The following SPSB1 variants were observed in gnomAD, a reference collection of about 807,000 sequenced individuals.
SPSB1 encodes splA/ryanodine receptor domain and SOCS box containing 1.
Under a neutral mutation model 21.2 loss-of-function variants are expected in SPSB1, and 8 were observed. The ratio of observed to expected loss-of-function variants is 0.38; its 90% CI spans 0.22 to 0.68. The LOEUF is 0.68. Ranked by LOEUF, SPSB1 falls within the 30% of genes least tolerant of loss-of-function variation. The probability of loss-of-function intolerance (pLI) is 0.53; values close to 1 mark genes in which losing one functional copy is unlikely to be tolerated. For missense variants in SPSB1, 242 were observed against 377.8 expected, an observed-to-expected ratio of 0.64 and a Z score of 2.98; for synonymous variants, 169 against 161.7, an observed-to-expected ratio of 1.05 and a Z score of -0.34.
rs1470862046 is a variant in SPSB1, at chr1:9,348,943, G to A, written c.-149-6800G>A. ...CCCTTTCACTCGTGCAAGAATGTGTGTGTGTGTGTGTGTGTGTGTGTATAT... is the reference window on the plus strand; with the variant it reads ...CCCTTTCACTCGTGCAAGAATGTGTATGTGTGTGTGTGTGTGTGTGTATAT... On this transcript the variant is annotated intron_variant, in intron 1 of 2. Transcript: ENST00000328089. The surrounding 1 kb of genome is among the most constrained non-coding windows in gnomAD (Gnocchi z 4.8). 4.1e-4 allele frequency among the ~76,000 whole-genome samples: 12 copies of A among 29,114 alleles called. No individual in the cohort carries two copies. Among genetic ancestry groups the A allele is most frequent in the African/African-American group, 3.7e-3 (12 of 3,270 alleles). The allele number at this position is 29,114 out of a possible 152,430, so 19.1% of individuals were successfully genotyped here.
At position 9,358,066 on chromosome 1, in the gene SPSB1, T is replaced by G. The variant is rs532683752; in HGVS notation, c.694+1481T>G. On this transcript the variant is annotated intron_variant, in intron 2 of 2. Coordinates refer to ENST00000328089, the MANE Select transcript of SPSB1 (RefSeq NM_025106.4). ...AGAGGTCAGGAATACAGATGCTGAC[T>G]CTGTCTTGAAGTCTCCAAGCCTGCA... Among the ~76,000 whole-genome samples, 159 of 152,274 alleles carry G rather than the reference T, an allele frequency of 1.0e-3. 5 individuals carry two copies. In the South Asian group the frequency reaches 0.03, roughly 29 times the overall value.
chr1:9,320,573 CAG>C (rs2100481854), intron 1 of SPSB1, among the ~76,000 whole-genome samples: 1 of 152,366 alleles, frequency 6.6e-6, no homozygotes, highest in South Asian at 2.1e-4. Context: ...CCTTGATACA[CAG>C]AGGAAGCACG....
intron 2 of SPSB1, among the ~76,000 whole-genome samples, chr1:9,360,580 C>T (rs371428445): frequency 1.3e-5 from 2 of 152,188 alleles, no homozygotes; most frequent in Non-Finnish European, 1.5e-5. Context: ...TGCCTCCCCT[C>T]GCCCCTGGGG....
rs768663908 is a variant in SPSB1, at chr1:9,362,785, C to T, written c.695-4663C>T. On this transcript the variant is annotated intron_variant, in intron 2 of 2. Coordinates refer to ENST00000328089, the MANE Select transcript of SPSB1 (RefSeq NM_025106.4). ...TCACAGAAATGTGGAAGCTGGTGCA[C>T]TGTCTCTTCCAGTTCCTCAGGCTTC... Among the ~76,000 whole-genome samples the T allele has an allele frequency of 7.2e-5, 11 of 152,374 alleles. No homozygotes were observed. The South Asian group carries it at 2.3e-3, about 32-fold the overall frequency.
Position 9,346,744 on chromosome 1 carries a change from A to G in SPSB1, c.-149-8999A>G, listed in dbSNP as rs952821611. ...GGCGTTGGTCTATCAGGGGTGGAAC[A>G]GCCACCGGTGTTTCTGATGGGGCCA... On this transcript the variant is annotated intron_variant, in intron 1 of 2. Transcript: ENST00000328089. This position sits in a 1 kb window ranked among gnomAD's most constrained non-coding sequence, Gnocchi z 4.4. 6.6e-6 allele frequency among the ~76,000 whole-genome samples: 1 copy of G among 152,170 alleles called. No homozygotes were observed. Among genetic ancestry groups the G allele is most frequent in the Non-Finnish European group, 1.5e-5 (1 of 68,038 alleles).
intron 2 of SPSB1, among the ~76,000 whole-genome samples, chr1:9,364,173 G>A (rs879615130): frequency 1.6e-4 from 25 of 152,216 alleles, no homozygotes; most frequent in Admixed American, 1.4e-3. Context: ...TCCACTTTCC[G>A]GCGGGGGCTG....
chr1:9,331,739 GCT>G (rs1487161189), intron 1 of SPSB1, among the ~76,000 whole-genome samples: 6 of 152,118 alleles, frequency 3.9e-5, no homozygotes, highest in Non-Finnish European at 8.8e-5. Context: ...GTTGGTACTT[GCT>G]CTCCGCTTCC....
At chr1:9,343,973 A>G (rs55814907) in intron 1 of SPSB1, among the ~76,000 whole-genome samples, 9 of 152,238 alleles carry the variant, frequency 5.9e-5, no homozygotes, top group African/African-American at 2.2e-4. Context: ...TTTTAAAAGT[A>G]GAGATGGGGT....
At position 9,316,610 on chromosome 1, in the gene SPSB1, G is replaced by A. The variant is rs1257154590; in HGVS notation, c.-150+23539G>A. Among the ~76,000 whole-genome samples, 4 of 152,166 alleles carry A rather than the reference G, an allele frequency of 2.6e-5. No individual in the cohort carries two copies. In the South Asian group the frequency reaches 6.2e-4, roughly 24 times the overall value. On this transcript the variant is annotated intron_variant, in intron 1 of 2. Coordinates refer to ENST00000328089, the MANE Select transcript of SPSB1 (RefSeq NM_025106.4). ...GGCTGCCATTTACGAAAGGCTGGGA[G>A]CGTTTTGCTACCTTAGAGCCCACCC... is the stretch of plus-strand genomic sequence containing the variant.
intron 1 of SPSB1, among the ~76,000 whole-genome samples, chr1:9,323,729 C>T (rs927911171): frequency 2.6e-5 from 4 of 152,144 alleles, no homozygotes; most frequent in African/African-American, 4.8e-5. Context: ...CTTTGGAGGT[C>T]CTCAAGGTGG....
rs928510153 is a variant in SPSB1 at position 9,305,790 on chromosome 1, G to A, written c.-150+12719G>A. ...TGTATGCAGCCAGTCTGCTGGGGCCGAGGATACAAAGAATGAGGAAGCTTT... is the reference window on the plus strand; with the variant it reads ...TGTATGCAGCCAGTCTGCTGGGGCCAAGGATACAAAGAATGAGGAAGCTTT... On this transcript the variant is annotated intron_variant, in intron 1 of 2. Transcript: ENST00000328089. This position sits in a 1 kb window ranked among gnomAD's most constrained non-coding sequence, Gnocchi z 4.8. Among the ~76,000 whole-genome samples the A allele has an allele frequency of 3.3e-5, 5 of 152,170 alleles. No homozygotes were observed. Among genetic ancestry groups the A allele is most frequent in the Admixed American group, 6.5e-5 (1 of 15,272 alleles).
Position 9,356,837 on chromosome 1 carries a change from G to T in SPSB1, c.694+252G>T, listed in dbSNP as rs1166911568. 1.3e-5 allele frequency among the ~76,000 whole-genome samples: 2 copies of T among 152,156 alleles called. No homozygotes were observed. Among genetic ancestry groups the T allele is most frequent in the African/African-American group, 4.8e-5 (2 of 41,432 alleles). ...GATGATGGATGATGAATGAATAGAT[G>T]GATGAATGATTGGTTGGATGGATGG... On this transcript the variant is annotated intron_variant, in intron 2 of 2. Coordinates refer to ENST00000328089, the MANE Select transcript of SPSB1 (RefSeq NM_025106.4). The surrounding 1 kb of genome is among the most constrained non-coding windows in gnomAD (Gnocchi z 7.4).
chr1:9,349,398 G>A (rs1480089344), intron 1 of SPSB1, among the ~76,000 whole-genome samples: 1 of 152,262 alleles, frequency 6.6e-6, no homozygotes, highest in African/African-American at 2.4e-5. Flanking sequence ...GAGCTGTGCC[G>A]GGCCAGGAGT....
At chr1:9,339,278 G>A (rs931742911) in intron 1 of SPSB1, 3 of 985,338 alleles carry the variant, frequency 3.0e-6, no homozygotes, top group Non-Finnish European at 3.6e-6. Flanking sequence ...TAGGTATCTG[G>A]GACACCCTGA....
rs1452673847 is a variant in SPSB1 at position 9,293,749 on chromosome 1, C to T, written c.-150+678C>T. Among the ~76,000 whole-genome samples, 1 of 152,194 alleles carries T rather than the reference C, an allele frequency of 6.6e-6. No individual in the cohort carries two copies. The highest frequency in any genetic ancestry group is 1.5e-5 in the Non-Finnish European group (1 of 68,016). ...GGAACCGCGGATGGGTCACCGTCCC[C>T]GGGCGTGTACTGGGCTCGGTGGCGT... is the stretch of plus-strand genomic sequence containing the variant. On this transcript the variant is annotated intron_variant, in intron 1 of 2. Transcript: ENST00000328089. The surrounding 1 kb of genome is among the most constrained non-coding windows in gnomAD (Gnocchi z 5.1).
chr1:9,293,801 C>T lies in SPSB1; in HGVS notation c.-150+730C>T, dbSNP rs1467893052. 1.3e-5 allele frequency among the ~76,000 whole-genome samples: 2 copies of T among 152,172 alleles called. No individual in the cohort carries two copies. Among genetic ancestry groups the T allele is most frequent in the African/African-American group, 4.8e-5 (2 of 41,436 alleles). On this transcript the variant is annotated intron_variant, in intron 1 of 2. Coordinates refer to ENST00000328089, the MANE Select transcript of SPSB1 (RefSeq NM_025106.4). The surrounding 1 kb of genome is among the most constrained non-coding windows in gnomAD (Gnocchi z 5.1). ...CAGGTTCCGGTGAGGACGGGACGGC[C>T]CCGAGAGGAGGGTGCGGGTCTGCAG...
intron 1 of SPSB1, among the ~76,000 whole-genome samples, chr1:9,319,460 C>A (rs114332845): frequency 3.3e-5 from 5 of 152,148 alleles, no homozygotes; most frequent in Non-Finnish European, 7.4e-5. Flanking sequence ...TCTCAAAGTA[C>A]AGGGGTGGGA....
At chr1:9,294,278 CTCTGTG>C (rs945121922) in intron 1 of SPSB1, among the ~76,000 whole-genome samples, 3 of 151,308 alleles carry the variant, frequency 2.0e-5, no homozygotes, top group African/African-American at 7.3e-5. Flanking sequence ...CTGTGTCTGT[CTCTGTG>C]TCTGTGTCTC....
intron 2 of SPSB1, among the ~76,000 whole-genome samples, chr1:9,365,182 C>T (rs1640549284): frequency 6.6e-6 from 1 of 151,980 alleles, no homozygotes; most frequent in African/African-American, 2.4e-5. Flanking sequence ...GACAAGGTCT[C>T]TGTTACGCAG....
Sources: allele counts gnomAD v4.1 joint callset (sites outside exome capture counted in the v4.1 genomes callset), GRCh38; gene constraint gnomAD v4.1.1; non-coding constraint Gnocchi (gnomAD v3.1); transcripts MANE v1.5; gene names NCBI Gene and HGNC (gene_info 2026-07-23, HGNC 2026-07-21).